The following RNF40 variants were observed in gnomAD, a reference collection of about 807,000 sequenced individuals.
The protein encoded by RNF40 is ring finger protein 40.
In RNF40, 39 loss-of-function variants were observed where a neutral mutation model predicts 123.3. That is an observed-to-expected ratio of 0.32 (90% confidence interval 0.24 to 0.41). The LOEUF (loss-of-function observed/expected upper bound fraction) is 0.41, where lower values mean the gene tolerates loss of function less well. Ranked by LOEUF, RNF40 falls within the 10% of genes least tolerant of loss-of-function variation. The probability of loss-of-function intolerance (pLI) is 1.00; values close to 1 mark genes in which losing one functional copy is unlikely to be tolerated. For missense variants in RNF40, 1,003 were observed against 1,319.9 expected, an observed-to-expected ratio of 0.76 and a Z score of 3.72; for synonymous variants, 538 against 526.0, an observed-to-expected ratio of 1.02 and a Z score of -0.31.
intron 7 of RNF40, 28 bp downstream of exon 7, chr16:30,765,355 G>A: frequency 6.2e-7 from 1 of 1,614,120 alleles, no homozygotes; most frequent in Non-Finnish European, 8.5e-7. Context: ...GGGCAGGTGA[G>A]GCAAGGCTGG....
chr16:30,762,632 C>G lies in RNF40; in HGVS notation c.87C>G (p.Thr29=). The change falls in exon 2 of 20, where the codon ACC becomes ACG. Residue 29 remains threonine (T), a synonymous_variant. Coordinates refer to ENST00000324685, the MANE Select transcript of RNF40 (RefSeq NM_014771.4). The part of the protein sequence containing the change: ...EKKLSREEKT[T]TTLIEPIRLG... ...AGCTGAGTCGTGAGGAGAAGACCAC[C>G]ACGACTCTTATCGAGCCCATTCGTC... The G allele has an allele frequency of 6.2e-7, 1 of 1,612,594 alleles. No individual in the cohort carries two copies. The highest frequency in any genetic ancestry group is 8.5e-7 in the Non-Finnish European group (1 of 1,179,774).
upstream of RNF40, chr16:30,761,837 C>T: frequency 7.9e-7 from 1 of 1,259,370 alleles, no homozygotes; most frequent in Non-Finnish European, 1.1e-6. Context: ...CTACCAAGGC[C>T]GGGCCCGTTC....
At chr16:30,771,424 TG>T (rs2054145823) in intron 17 of RNF40, among the ~76,000 whole-genome samples, 1 of 151,996 alleles carries the variant, frequency 6.6e-6, no homozygotes, top group Admixed American at 6.5e-5. Context: ...TAGACCATCC[TG>T]GCTAACACGG....
chr16:30,769,958 G>A (rs2054117549), intron 17 of RNF40, among the ~76,000 whole-genome samples: 1 of 151,922 alleles, frequency 6.6e-6, no homozygotes, highest in African/African-American at 2.4e-5. Context: ...AATTAGCTGG[G>A]TGTGCTGGTG....
intron 16 of RNF40, 31 bp downstream of exon 16, chr16:30,769,429 C>T (rs1168414500): frequency 6.2e-7 from 1 of 1,614,066 alleles, no homozygotes; most frequent in Admixed American, 1.7e-5. Context: ...CAGACTGGAG[C>T]TGGAGAGGTG....
At chr16:30,772,766 C>T (rs1375902313) in intron 19 of RNF40, among the ~76,000 whole-genome samples, 1 of 152,106 alleles carries the variant, frequency 6.6e-6, no homozygotes, top group African/African-American at 2.4e-5. Context: ...CAGGTTGAGA[C>T]CTCAAAGGGT....
In RNF40 at chr16:30,771,921, C is replaced by G. The variant is rs760608826; in HGVS notation, c.2675C>G (p.Ala892Gly). The G allele has an allele frequency of 3.8e-5, 61 of 1,608,482 alleles. No individual in the cohort carries two copies. The highest frequency in any genetic ancestry group is 5.1e-5 in the Non-Finnish European group (60 of 1,176,452). The change falls in exon 18 of 20, where the codon GCA (alanine) becomes GGA (glycine). Residue 892 changes from alanine to glycine, a missense_variant. By Grantham distance (60) the Ala-to-Gly change is moderately conservative. Transcript: ENST00000324685. ...CTGCGGGAGATCCAGCCCTGCCTGG[C>G]AGAGAGCCGGGCTGCTCGTGAGAAA... ...TRLREIQPCL[A>G]ESRAAREKES...
chr16:30,769,083 G>A lies in RNF40; in HGVS notation c.2247+96G>A, dbSNP rs1008263084. 6 of 1,594,742 alleles carry A rather than the reference G, an allele frequency of 3.8e-6. No individual in the cohort carries two copies. In the African/African-American group the frequency reaches 5.4e-5, roughly 14 times the overall value. On this transcript the variant is annotated intron_variant, in intron 15 of 19. Coordinates refer to ENST00000324685, the MANE Select transcript of RNF40 (RefSeq NM_014771.4). ...TGCCTGCAGGACCTTGATGATCTGG[G>A]TCCCCTCTGTAGTTCTTTGCTTCGC... is the stretch of plus-strand genomic sequence containing the variant.
chr16:30,775,567 C>T lies in RNF40; in HGVS notation c.*1453C>T, dbSNP rs942505325. 5.5e-5 allele frequency: 9 copies of T among 163,092 alleles called. No homozygotes were observed. The highest frequency in any genetic ancestry group is 1.2e-4 in the Non-Finnish European group (9 of 74,402). 10.1% of individuals were successfully genotyped at this position (163,092 alleles called of 1,614,324 possible). A position where few individuals can be genotyped will look rare whatever the true frequency, so the allele number is the denominator to read the frequency against. Reference sequence around the variant, plus strand: ...TGCGGACCGCTTCTCAGCGGCTTCACCCCCACACCACTCGAATGCACAGAT... The same window carrying T: ...TGCGGACCGCTTCTCAGCGGCTTCATCCCCACACCACTCGAATGCACAGAT... On this transcript the variant is annotated 3_prime_UTR_variant, in exon 20 of 20. Coordinates refer to ENST00000324685, the MANE Select transcript of RNF40 (RefSeq NM_014771.4).
At position 30,762,474 on chromosome 16, in the gene RNF40, G is replaced by A. The variant is rs1195442446; in HGVS notation, c.-71-1G>A. 5.5e-6 allele frequency: 8 copies of A among 1,457,890 alleles called. No homozygotes were observed. In the Admixed American group the frequency reaches 1.5e-4, roughly 27 times the overall value. The allele number at this position is 1,457,890 out of a possible 1,614,324, so 90.3% of individuals were successfully genotyped here. A position where few individuals can be genotyped will look rare whatever the true frequency, so the allele number is the denominator to read the frequency against. The stretch of plus-strand genomic sequence containing the variant: ...ACATCTCTGCTCTGTGTCTTCTGCA[G>A]GTGACGGAAGTACCGCCTCCTCCCG... On this transcript the variant is annotated splice_acceptor_variant, in intron 1 of 19. Transcript: ENST00000324685. LOFTEE classifies it low-confidence loss of function (5UTR_SPLICE).
At chr16:30,772,663 C>T (rs1218314604) in intron 19 of RNF40, among the ~76,000 whole-genome samples, 1 of 152,104 alleles carries the variant, frequency 6.6e-6, no homozygotes, top group Non-Finnish European at 1.5e-5. Context: ...GACGCTTGAG[C>T]GGAGGGGTTG....
chr16:30,775,855 G>C lies in RNF40; in HGVS notation c.*1741G>C, dbSNP rs1474434634. ...CTATTGGCGCCCGGGACTTAAGCGG[G>C]GCCGCCGCTGCTGGACCAGGACGAA... On this transcript the variant is annotated 3_prime_UTR_variant, in exon 20 of 20. Coordinates refer to ENST00000324685, the MANE Select transcript of RNF40 (RefSeq NM_014771.4). The C allele has an allele frequency of 1.3e-5, 2 of 152,268 alleles. No individual in the cohort carries two copies. The highest frequency in any genetic ancestry group is 2.9e-5 in the Non-Finnish European group (2 of 68,066). The allele number at this position is 152,268 out of a possible 1,614,324, so 9.4% of individuals were successfully genotyped here. A position where few individuals can be genotyped will look rare whatever the true frequency, so the allele number is the denominator to read the frequency against.
In RNF40 at chr16:30,766,690, C is replaced by T; in HGVS notation, c.1294-51C>T. On this transcript the variant is annotated intron_variant, in intron 10 of 19. Coordinates refer to ENST00000324685, the MANE Select transcript of RNF40 (RefSeq NM_014771.4). This position sits in a 1 kb window ranked among gnomAD's most constrained non-coding sequence, Gnocchi z 5.4. ...ATAGATTCTTCCTAAGATACTGAGT[C>T]CTGAGGTGGGACCGAGGGGCTGTGT... is the stretch of plus-strand genomic sequence containing the variant. The T allele has an allele frequency of 6.2e-7, 1 of 1,610,584 alleles. No individual in the cohort carries two copies. The highest frequency in any genetic ancestry group is 8.5e-7 in the Non-Finnish European group (1 of 1,178,184).
rs146962748 is a variant in RNF40, at chr16:30,765,267, C to T, written c.858C>T (p.Ile286=). 37 of 1,614,070 alleles carry T rather than the reference C, an allele frequency of 2.3e-5. No homozygotes were observed. Among genetic ancestry groups the T allele is most frequent in the East Asian group, 2.2e-4 (10 of 44,896 alleles). Residue 286 remains isoleucine, a synonymous_variant, in exon 7 of 20, where the codon ATC becomes ATT. Coordinates refer to ENST00000324685, the MANE Select transcript of RNF40 (RefSeq NM_014771.4). ...ETTVEDLQWD[I]EKLRKREQKL... is the part of the protein sequence containing the mutation. ...CAGTGGAGGACTTGCAGTGGGACAT[C>T]GAGAAGCTGCGGAAGCGAGAGCAAA... is the stretch of plus-strand genomic sequence containing the variant.
At chr16:30,767,364 G>A (rs914009689) in intron 11 of RNF40, among the ~76,000 whole-genome samples, 1 of 152,202 alleles carries the variant, frequency 6.6e-6, no homozygotes, top group African/African-American at 2.4e-5. Flanking sequence ...GGAAGTATCA[G>A]GAGAAAGGGT....
chr16:30,768,792 C>A lies in RNF40; in HGVS notation c.2098-46C>A, dbSNP rs1254778534. The A allele has an allele frequency of 6.2e-7, 1 of 1,614,036 alleles. No individual in the cohort carries two copies. The highest frequency in any genetic ancestry group is 8.5e-7 in the Non-Finnish European group (1 of 1,179,988). On this transcript the variant is annotated intron_variant, in intron 14 of 19. Coordinates refer to ENST00000324685, the MANE Select transcript of RNF40 (RefSeq NM_014771.4). This position sits in a 1 kb window ranked among gnomAD's most constrained non-coding sequence, Gnocchi z 4.1. ...AGAAAGGCAGAGCAGAGTCCTAGCTCAGCAGGAAGCAGTGTCAAGAGAGTT... is the reference window on the plus strand; with the variant it reads ...AGAAAGGCAGAGCAGAGTCCTAGCTAAGCAGGAAGCAGTGTCAAGAGAGTT...
In RNF40 at chr16:30,769,386, C is replaced by T. The variant is rs548074280; in HGVS notation, c.2448C>T (p.Gly816=). ...EKDELGEQVL[G]LKSQVDAQLL... ...ATGAGTTGGGCGAGCAGGTCCTTGG[C>T]CTCAAGTCCCAGGTATGGCCGCCGC... The change falls in exon 16 of 20, where the codon GGC becomes GGT. Residue 816 remains glycine, a synonymous_variant. Coordinates refer to ENST00000324685, the MANE Select transcript of RNF40 (RefSeq NM_014771.4). The T allele has an allele frequency of 1.2e-6, 2 of 1,614,186 alleles. No homozygotes were observed. Among genetic ancestry groups the T allele is most frequent in the Non-Finnish European group, 1.7e-6 (2 of 1,180,040 alleles).
rs376394465 is a variant in RNF40 at position 30,768,302 on chromosome 16, C to T, written c.1751C>T (p.Pro584Leu). 161 of 1,613,834 alleles carry T rather than the reference C, an allele frequency of 1.0e-4. No individual in the cohort carries two copies. Among genetic ancestry groups the T allele is most frequent in the Non-Finnish European group, 1.2e-4 (136 of 1,179,980 alleles). ...TCAGTGAAGAAGGAGGAGCTGGTCC[C>T]CTCTGAAGAGGACTTCCAGGGTATA... ...TTSVKKEELV[P>L]SEEDFQGITP... Residue 584 changes from proline to leucine, a missense_variant, in exon 13 of 20, where the codon CCC becomes CTC. Pro to Leu is a moderately conservative substitution (Grantham distance 98). Transcript: ENST00000324685. The surrounding 1 kb of genome is among the most constrained non-coding windows in gnomAD (Gnocchi z 4.1).
At chr16:30,772,482 T>C (rs959183955) in intron 19 of RNF40, among the ~76,000 whole-genome samples, 3 of 152,056 alleles carry the variant, frequency 2.0e-5, no homozygotes, top group African/African-American at 7.2e-5. Context: ...ATGTGTAATA[T>C]GATGGCAGAG....
Sources: allele counts gnomAD v4.1 joint callset (sites outside exome capture counted in the v4.1 genomes callset), GRCh38; gene constraint gnomAD v4.1.1; non-coding constraint Gnocchi (gnomAD v3.1); transcripts MANE v1.5; gene names NCBI Gene and HGNC (gene_info 2026-07-23, HGNC 2026-07-21).